Variants in RAB7A observed in about 807,000 individuals in gnomAD.
RAB7A encodes the protein RAB7A, member RAS oncogene family, also known as ras-related protein Rab-7a.
RAB7A carries 2 observed loss-of-function variants against 24.5 expected under a neutral mutation model. The observed-to-expected ratio is 0.08, with a 90% confidence interval of 0.03 to 0.26. RAB7A has a LOEUF of 0.26. RAB7A is among the 10% of genes least tolerant of loss of function. RAB7A has a pLI of 1.00. For synonymous variants in RAB7A, 100 were observed against 95.9 expected (o/e 1.04, Z -0.25); for missense variants, 118 against 255.7 (o/e 0.46, Z 3.67).
intron 1 of RAB7A, among the ~76,000 whole-genome samples, chr3:128,768,481 T>C (rs537120393): frequency 6.6e-6 from 1 of 152,350 alleles, no homozygotes; most frequent in South Asian, 2.1e-4. Context: ...GGTAGGCATA[T>C]GCTTTAACTT....
At chr3:128,758,544 G>A (rs1576280396) in intron 1 of RAB7A, among the ~76,000 whole-genome samples, 1 of 152,198 alleles carries the variant, frequency 6.6e-6, no homozygotes, top group African/African-American at 2.4e-5. Flanking sequence ...CAAAGTGCTG[G>A]GAATTACAGG....
intron 1 of RAB7A, among the ~76,000 whole-genome samples, chr3:128,757,379 C>T (rs1016997992): frequency 6.6e-6 from 1 of 151,994 alleles, no homozygotes; most frequent in African/African-American, 2.4e-5. Context: ...ACTGATGGTG[C>T]AGGAGAGGGA....
At chr3:128,789,435 A>G (rs1933407680) in intron 1 of RAB7A, among the ~76,000 whole-genome samples, 1 of 151,120 alleles carries the variant, frequency 6.6e-6, no homozygotes, top group Non-Finnish European at 1.5e-5. Context: ...TCCTGGGTTC[A>G]AGTGATTCTC....
intron 1 of RAB7A, among the ~76,000 whole-genome samples, chr3:128,792,688 G>A (rs1933482397): frequency 6.6e-6 from 1 of 151,480 alleles, no homozygotes; most frequent in South Asian, 2.1e-4. Context: ...CATTACAGGT[G>A]TGAGCCACCA....
intron 1 of RAB7A, among the ~76,000 whole-genome samples, chr3:128,794,967 T>TA (rs1259838902): frequency 6.6e-6 from 1 of 152,008 alleles, no homozygotes; most frequent in Non-Finnish European, 1.5e-5. Flanking sequence ...AATGAGGGGT[T>TA]ATGCTGCTTT....
chr3:128,734,704 A>G (rs1177689810), intron 1 of RAB7A, among the ~76,000 whole-genome samples: 6 of 152,266 alleles, frequency 3.9e-5, no homozygotes, highest in Middle Eastern at 3.4e-3. Context: ...ATCACATTCT[A>G]TCGTACATAT....
chr3:128,792,165 C>T (rs2107609529), intron 1 of RAB7A, among the ~76,000 whole-genome samples: 1 of 152,252 alleles, frequency 6.6e-6, no homozygotes, highest in South Asian at 2.1e-4. Context: ...CTTTGTGACA[C>T]GTGTGGGTAG....
intron 1 of RAB7A, among the ~76,000 whole-genome samples, chr3:128,780,147 G>T (rs1460768970): frequency 6.6e-6 from 1 of 152,182 alleles, no homozygotes. Context: ...TGATTCTAAT[G>T]TCAGAGATGC....
chr3:128,765,089 C>T, intron 1 of RAB7A: 4 of 863,068 alleles, frequency 4.6e-6, no homozygotes, highest in Non-Finnish European at 3.8e-6. Flanking sequence ...TTGGGATGGT[C>T]CGAGGGTGCA....
chr3:128,787,307 T>C (rs1028781954), intron 1 of RAB7A, among the ~76,000 whole-genome samples: 2 of 152,270 alleles, frequency 1.3e-5, no homozygotes, highest in Non-Finnish European at 2.9e-5. Context: ...TTCAAATATC[T>C]AGTGCTATCA....
At chr3:128,744,020 C>T (rs1368847556) in intron 1 of RAB7A, among the ~76,000 whole-genome samples, 2 of 151,818 alleles carry the variant, frequency 1.3e-5, no homozygotes, top group East Asian at 1.9e-4. Context: ...AATTCCTGAC[C>T]TCAGATGATC....
intron 1 of RAB7A, among the ~76,000 whole-genome samples, chr3:128,730,252 C>T (rs965065611): frequency 4.0e-5 from 6 of 148,726 alleles, no homozygotes; most frequent in South Asian, 2.1e-4. Context: ...TTTTTTTAGA[C>T]GGAATCTTGC....
chr3:128,802,848 A>G lies in RAB7A; in HGVS notation c.181-3524A>G, dbSNP rs182193680. 7.4e-3 allele frequency among the ~76,000 whole-genome samples: 1,118 copies of G among 152,032 alleles called. 17 individuals are homozygous for G. The highest frequency in any genetic ancestry group is 0.026 in the African/African-American group (1,060 of 41,406). On this transcript the variant is annotated intron_variant, in intron 3 of 5. Coordinates refer to ENST00000265062, the MANE Select transcript of RAB7A (RefSeq NM_004637.6). Reference sequence around the variant, plus strand: ...TGAGACAGGAGTCTCACTGTCGCCCAGGCTGGAGTGCAGTGGCCTGATCTC... The same window carrying G: ...TGAGACAGGAGTCTCACTGTCGCCCGGGCTGGAGTGCAGTGGCCTGATCTC...
chr3:128,743,806 T>G (rs2070581208), intron 1 of RAB7A, among the ~76,000 whole-genome samples: 1 of 151,540 alleles, frequency 6.6e-6, no homozygotes, highest in South Asian at 2.1e-4. Flanking sequence ...TTTTTTTTTT[T>G]TCTGAGACAG....
intron 1 of RAB7A, among the ~76,000 whole-genome samples, chr3:128,758,832 A>AAT (rs1275258832): frequency 2.0e-5 from 3 of 152,240 alleles, no homozygotes; most frequent in African/African-American, 7.2e-5. Flanking sequence ...CCATCCCACG[A>AAT]ATAGCTGTGT....
intron 1 of RAB7A, among the ~76,000 whole-genome samples, chr3:128,733,529 T>C (rs2070458282): frequency 6.6e-6 from 1 of 152,216 alleles, no homozygotes; most frequent in Non-Finnish European, 1.5e-5. Context: ...ATTTATTTTC[T>C]CAATTCTGAA....
At chr3:128,766,477 T>C (rs973453889) in intron 1 of RAB7A, among the ~76,000 whole-genome samples, 1 of 152,220 alleles carries the variant, frequency 6.6e-6, no homozygotes, top group African/African-American at 2.4e-5. Flanking sequence ...TCTGGGATCA[T>C]GATTTTAAAA....
chr3:128,749,257 T>C (rs1237966248), intron 1 of RAB7A: 2 of 152,296 alleles, frequency 1.3e-5, no homozygotes, highest in Non-Finnish European at 2.9e-5. Context: ...GGACTAAATA[T>C]AATGTTTCTG....
chr3:128,798,066 G>A lies in RAB7A; in HGVS notation c.177G>A (p.Met59Ile), dbSNP rs1559795312. 1 of 1,613,986 alleles carries A rather than the reference G, an allele frequency of 6.2e-7. No individual in the cohort carries two copies. Reference protein sequence around the residue: ...EVMVDDRLVTMQIWDTAGQER... With the variant: ...EVMVDDRLVTIQIWDTAGQER... ...TGGTGGATGACAGGCTAGTCACAATGCAGGTAAGCACATGTCTTGGCTGTG... is the reference window on the plus strand; with the variant it reads ...TGGTGGATGACAGGCTAGTCACAATACAGGTAAGCACATGTCTTGGCTGTG... The change falls in exon 3 of 6, where the codon ATG (methionine) becomes ATA (isoleucine). Residue 59 changes from methionine (M) to isoleucine (I), a missense_variant. Around this residue, in one of 2 missense-constraint regions of RAB7A, gnomAD observed 52 missense variants for 173.5 expected, o/e 0.30. Transcript: ENST00000265062.
Sources: gnomAD v4.1 joint callset for allele counts (sites outside exome capture counted in the v4.1 genomes callset) on GRCh38, gnomAD v4.1.1 for gene constraint, gnomAD v4.1.1 regional missense constraint, MANE v1.5 for transcripts, NCBI Gene and HGNC (gene_info 2026-07-23, HGNC 2026-07-21) for gene names.